DCPS: variants seen among roughly 807,000 people sequenced by gnomAD.
The protein encoded by DCPS is m7GpppX diphosphatase.
In DCPS, 27 loss-of-function variants were observed where a neutral mutation model predicts 34.7. The observed-to-expected ratio is 0.78, with a 90% confidence interval of 0.57 to 1.07. DCPS has a LOEUF of 1.07. DCPS is among the 50% of genes least tolerant of loss of function. The probability of loss-of-function intolerance (pLI) is 0.00; values close to 1 mark genes in which losing one functional copy is unlikely to be tolerated. For missense variants in DCPS, 464 were observed against 436.9 expected (o/e 1.06, Z -0.55); for synonymous variants, 185 against 185.7 (o/e 1.00, Z 0.03).
chr11:126,338,207 A>C lies in DCPS; in HGVS notation c.523-79A>C. The stretch of plus-strand genomic sequence containing the variant: ...TTCTGTCTCCTGGAGAGGCCAGGGA[A>C]TGCCCTGAGCTCAGTTTGGGGTATC... On this transcript the variant is annotated intron_variant, in intron 3 of 5. Coordinates refer to ENST00000263579, the MANE Select transcript of DCPS (RefSeq NM_014026.6). This position sits in a 1 kb window ranked among gnomAD's most constrained non-coding sequence, Gnocchi z 5.4. The C allele has an allele frequency of 7.4e-7, 1 of 1,345,556 alleles. No individual in the cohort carries two copies. Among genetic ancestry groups the C allele is most frequent in the Non-Finnish European group, 1.1e-6 (1 of 947,898 alleles). 83.4% of individuals were successfully genotyped at this position (1,345,556 alleles called of 1,614,324 possible).
At position 126,320,466 on chromosome 11, in the gene DCPS, AC is replaced by A. The variant is rs1951696465; in HGVS notation, c.377-10938del. Among the ~76,000 whole-genome samples the A allele has an allele frequency of 2.6e-5, 4 of 152,138 alleles. No homozygotes were observed. Among genetic ancestry groups the A allele is most frequent in the African/African-American group, 9.7e-5 (4 of 41,430 alleles). The stretch of plus-strand genomic sequence containing the variant: ...CCTACTTCCTTTATAGCCTGCTCTG[AC>A]AATGATATTAAAGGAATATTCTTAA... On this transcript the variant is annotated intron_variant, in intron 2 of 5. Transcript: ENST00000263579. The surrounding 1 kb of genome is among the most constrained non-coding windows in gnomAD (Gnocchi z 4.7).
Position 126,329,179 on chromosome 11 carries a change from A to G in DCPS, c.377-2226A>G, listed in dbSNP as rs1022666238. On this transcript the variant is annotated intron_variant, in intron 2 of 5. Transcript: ENST00000263579. The surrounding 1 kb of genome is among the most constrained non-coding windows in gnomAD (Gnocchi z 5.0). The stretch of plus-strand genomic sequence containing the variant: ...ACCTCTGACCTCTGGCCCATGACCT[A>G]TGACGCTGAGCTGTTAGAGAACAGA... Among the ~76,000 whole-genome samples the G allele has an allele frequency of 6.6e-6, 1 of 152,194 alleles. No individual in the cohort carries two copies. Among genetic ancestry groups the G allele is most frequent in the Admixed American group, 6.5e-5 (1 of 15,288 alleles).
chr11:126,309,137 G>A (rs1341348605), intron 2 of DCPS, among the ~76,000 whole-genome samples: 1 of 150,372 alleles, frequency 6.7e-6, no homozygotes, highest in Non-Finnish European at 1.5e-5. Flanking sequence ...TGGTTTTCCT[G>A]CCTCAGCCTC....
At chr11:126,307,510 A>G (rs965718524) in intron 2 of DCPS, among the ~76,000 whole-genome samples, 2 of 151,942 alleles carry the variant, frequency 1.3e-5, no homozygotes, top group African/African-American at 4.8e-5. Context: ...TCACAGGTTC[A>G]AGCAATTCTC....
chr11:126,329,105 T>G lies in DCPS; in HGVS notation c.377-2300T>G, dbSNP rs1951762482. 6.6e-6 allele frequency among the ~76,000 whole-genome samples: 1 copy of G among 152,076 alleles called. No homozygotes were observed. The highest frequency in any genetic ancestry group is 1.5e-5 in the Non-Finnish European group (1 of 67,992). On this transcript the variant is annotated intron_variant, in intron 2 of 5. Coordinates refer to ENST00000263579, the MANE Select transcript of DCPS (RefSeq NM_014026.6). The surrounding 1 kb of genome is among the most constrained non-coding windows in gnomAD (Gnocchi z 5.0). ...ACTGCAAGGGCCAAGGTGGTGCCGT[T>G]CAGTCTACTTCAAGCAGTCTCCCGC...
rs542441320 is a variant in DCPS, at chr11:126,349,007, T to G, written c.*3394T>G. Among the ~76,000 whole-genome samples, 24 of 152,306 alleles carry G rather than the reference T, an allele frequency of 1.6e-4. No individual in the cohort carries two copies. The highest frequency in any genetic ancestry group is 5.8e-4 in the African/African-American group (24 of 41,570). On this transcript the variant is annotated 3_prime_UTR_variant, in exon 6 of 6. Transcript: ENST00000263579. This position sits in a 1 kb window ranked among gnomAD's most constrained non-coding sequence, Gnocchi z 5.4. ...CCAGAACCTAGGGTGGTGACTCACC[T>G]ATAAGTGCTCAAAAAACATGTGGCG...
At chr11:126,318,123 T>C (rs544355599) in intron 2 of DCPS, among the ~76,000 whole-genome samples, 1 of 152,322 alleles carries the variant, frequency 6.6e-6, no homozygotes, top group South Asian at 2.1e-4. Context: ...ACAAGAAGCC[T>C]GTCAGATCCA....
chr11:126,305,150 T>G (rs1017427873), intron 1 of DCPS, among the ~76,000 whole-genome samples: 3 of 152,200 alleles, frequency 2.0e-5, no homozygotes, highest in African/African-American at 7.2e-5. Context: ...CTCCTCTCTG[T>G]CACCCAGGCT....
intron 4 of DCPS, chr11:126,341,119 A>G (rs1951872215): frequency 6.6e-6 from 1 of 152,238 alleles, no homozygotes; most frequent in Non-Finnish European, 1.5e-5. Flanking sequence ...TTCAGTTCAC[A>G]TGATTTAAAT....
rs200705683 is a variant in DCPS at position 126,345,574 on chromosome 11, C to T, written c.975C>T (p.Asp325=). 4 of 1,613,676 alleles carry T rather than the reference C, an allele frequency of 2.5e-6. No individual in the cohort carries two copies. The East Asian group carries it at 8.9e-5, about 36-fold the overall frequency. Residue 325 remains aspartate (D), a synonymous_variant, in exon 6 of 6, where the codon GAC becomes GAT. Coordinates refer to ENST00000263579, the MANE Select transcript of DCPS (RefSeq NM_014026.6). The surrounding 1 kb of genome is among the most constrained non-coding windows in gnomAD (Gnocchi z 7.4). ...RTLTFALRAD[D]PLLKLLQEAQ... is the part of the protein sequence containing the mutation. The stretch of plus-strand genomic sequence containing the variant: ...TCACCTTCGCCCTCAGGGCTGACGA[C>T]CCCCTGCTCAAGCTCTTGCAGGAGG...
rs957206133 is a variant in DCPS at position 126,332,469 on chromosome 11, G to A, written c.522+919G>A. Among the ~76,000 whole-genome samples the A allele has an allele frequency of 6.6e-6, 1 of 152,160 alleles. No homozygotes were observed. The highest frequency in any genetic ancestry group is 2.4e-5 in the African/African-American group (1 of 41,426). ...TTTATCACTCACCCTTGTTCTCTTCGAGCATTTCTCACTTTTCTCCCCAAG... is the reference window on the plus strand; with the variant it reads ...TTTATCACTCACCCTTGTTCTCTTCAAGCATTTCTCACTTTTCTCCCCAAG... On this transcript the variant is annotated intron_variant, in intron 3 of 5. Transcript: ENST00000263579. This position sits in a 1 kb window ranked among gnomAD's most constrained non-coding sequence, Gnocchi z 5.4.
Position 126,322,429 on chromosome 11 carries a change from C to T in DCPS, c.377-8976C>T, listed in dbSNP as rs1248849053. Among the ~76,000 whole-genome samples, 2 of 151,612 alleles carry T rather than the reference C, an allele frequency of 1.3e-5. No individual in the cohort carries two copies. The highest frequency in any genetic ancestry group is 4.2e-4 in the South Asian group (2 of 4,796). Reference sequence around the variant, plus strand: ...CAGGCGCACACCACCACGCCCGGCTCATTTTTGTATTTTTAGTAGAGATGG... The same window carrying T: ...CAGGCGCACACCACCACGCCCGGCTTATTTTTGTATTTTTAGTAGAGATGG... On this transcript the variant is annotated intron_variant, in intron 2 of 5. Coordinates refer to ENST00000263579, the MANE Select transcript of DCPS (RefSeq NM_014026.6). This position sits in a 1 kb window ranked among gnomAD's most constrained non-coding sequence, Gnocchi z 4.2.
Position 126,304,121 on chromosome 11 carries a change from A to G in DCPS, c.41A>G (p.Glu14Gly), listed in dbSNP as rs376410163. Reference sequence around the variant, plus strand: ...CCTCAACTAGGCAAGAGGAAGCGCGAATTGGACGTGGAGGAGGCCCACGCC... The same window carrying G: ...CCTCAACTAGGCAAGAGGAAGCGCGGATTGGACGTGGAGGAGGCCCACGCC... ...AAPQLGKRKR[E>G]LDVEEAHAAS... The change falls in exon 1 of 6, where the codon GAA (glutamate) becomes GGA (glycine). Residue 14 changes from glutamate (E) to glycine (G), a missense_variant. Physicochemically the swap from Glu to Gly is moderately conservative, Grantham distance 98 (BLOSUM62 -2). Transcript: ENST00000263579. 6.2e-7 allele frequency: 1 copy of G among 1,613,844 alleles called. No homozygotes were observed. Among genetic ancestry groups the G allele is most frequent in the South Asian group, 1.1e-5 (1 of 91,046 alleles).
chr11:126,344,842 C>T lies in DCPS; in HGVS notation c.748-505C>T, dbSNP rs1407021541. On this transcript the variant is annotated intron_variant, in intron 5 of 5. Coordinates refer to ENST00000263579, the MANE Select transcript of DCPS (RefSeq NM_014026.6). This position sits in a 1 kb window ranked among gnomAD's most constrained non-coding sequence, Gnocchi z 8.1. ...CCCCTCCCATACCCCTTCCACAGTC[C>T]CTGCTCTTTCACCAAGTTCTCAGCA... Among the ~76,000 whole-genome samples the T allele has an allele frequency of 2.0e-5, 3 of 152,132 alleles. No homozygotes were observed. The highest frequency in any genetic ancestry group is 4.4e-5 in the Non-Finnish European group (3 of 68,036).
In DCPS at chr11:126,330,719, A is replaced by AT. The variant is rs1167717646; in HGVS notation, c.377-652dup. ...TATATATATATATATATATATATAT[A>AT]TTTTTTTTTTTTTTTTTTTTTTTTT... is the stretch of plus-strand genomic sequence containing the variant. On this transcript the variant is annotated intron_variant, in intron 2 of 5. Coordinates refer to ENST00000263579, the MANE Select transcript of DCPS (RefSeq NM_014026.6). Among the ~76,000 whole-genome samples, 32 of 18,884 alleles carry AT rather than the reference A, an allele frequency of 1.7e-3. 3 individuals are homozygous for AT. Among genetic ancestry groups the AT allele is most frequent in the Non-Finnish European group, 2.6e-3 (30 of 11,334 alleles). The allele number at this position is 18,884 out of a possible 152,430, so 12.4% of individuals were successfully genotyped here.
rs1054917345 is a variant in DCPS at position 126,338,723 on chromosome 11, G to A, written c.636+324G>A. On this transcript the variant is annotated intron_variant, in intron 4 of 5. Transcript: ENST00000263579. The surrounding 1 kb of genome is among the most constrained non-coding windows in gnomAD (Gnocchi z 5.4). ...CCACCTGTGCTTCCACCCGCATCTG[G>A]AGCCCTCGGGTGGGGTGTTTCCATT... Among the ~76,000 whole-genome samples the A allele has an allele frequency of 6.6e-6, 1 of 152,204 alleles. No homozygotes were observed. Among genetic ancestry groups the A allele is most frequent in the African/African-American group, 2.4e-5 (1 of 41,448 alleles).
In DCPS at chr11:126,327,579, C is replaced by T. The variant is rs1951750585; in HGVS notation, c.377-3826C>T. Among the ~76,000 whole-genome samples the T allele has an allele frequency of 6.6e-6, 1 of 152,200 alleles. No homozygotes were observed. ...TGTTTATTGAGCATTGACTCCTGAC[C>T]AAACTCCTCCTGAAGTTCAGCTGCA... On this transcript the variant is annotated intron_variant, in intron 2 of 5. Coordinates refer to ENST00000263579, the MANE Select transcript of DCPS (RefSeq NM_014026.6). This position sits in a 1 kb window ranked among gnomAD's most constrained non-coding sequence, Gnocchi z 4.1.
At position 126,338,336 on chromosome 11, in the gene DCPS, C is replaced by T. The variant is rs756009064; in HGVS notation, c.573C>T (p.Phe191=). The T allele has an allele frequency of 6.8e-6, 11 of 1,614,020 alleles. No individual in the cohort carries two copies. Among genetic ancestry groups the T allele is most frequent in the East Asian group, 2.2e-5 (1 of 44,894 alleles). The change falls in exon 4 of 6, where the codon TTC becomes TTT. Residue 191 remains phenylalanine, a synonymous_variant. Coordinates refer to ENST00000263579, the MANE Select transcript of DCPS (RefSeq NM_014026.6). The surrounding 1 kb of genome is among the most constrained non-coding windows in gnomAD (Gnocchi z 5.4). The part of the protein sequence containing the change: ...DKKAEADRIV[F]ENPDPSDGFV... ...AGGCTGAAGCGGACCGGATTGTTTT[C>T]GAGAACCCAGATCCCTCTGATGGTT...
At position 126,343,293 on chromosome 11, in the gene DCPS, T is replaced by C. The variant is rs1342602595; in HGVS notation, c.637-14T>C. 6.2e-7 allele frequency: 1 copy of C among 1,608,932 alleles called. No homozygotes were observed. On this transcript the variant is annotated splice_polypyrimidine_tract_variant and intron_variant, in intron 4 of 5. Coordinates refer to ENST00000263579, the MANE Select transcript of DCPS (RefSeq NM_014026.6). ...TTCCCTGCTGAGCCTGGTCTCCCCTTGCTCTCTACGCAGCTCGATGACTTG... is the reference window on the plus strand; with the variant it reads ...TTCCCTGCTGAGCCTGGTCTCCCCTCGCTCTCTACGCAGCTCGATGACTTG...
Sources: gnomAD v4.1 joint callset for allele counts (sites outside exome capture counted in the v4.1 genomes callset) on GRCh38, gnomAD v4.1.1 for gene constraint, Gnocchi (gnomAD v3.1) non-coding constraint, MANE v1.5 for transcripts, NCBI Gene and HGNC (gene_info 2026-07-23, HGNC 2026-07-21) for gene names.